LDLRAD3: variants seen among roughly 807,000 people sequenced by gnomAD.
LDLRAD3 encodes the protein low density lipoprotein receptor class A domain containing 3, also known as low-density lipoprotein receptor class A domain-containing protein 3.
LDLRAD3 carries 20 observed loss-of-function variants against 29.4 expected under a neutral mutation model. The ratio of observed to expected loss-of-function variants is 0.68; its 90% CI spans 0.48 to 0.99. The LOEUF is 0.99. Ranked by LOEUF, LDLRAD3 falls within the 50% of genes least tolerant of loss-of-function variation. The pLI is 0.00. For missense variants in LDLRAD3, 420 were observed against 454.3 expected (o/e 0.92, Z 0.69); for synonymous variants, 157 against 192.7 (o/e 0.81, Z 1.53).
intron 4 of LDLRAD3, among the ~76,000 whole-genome samples, chr11:36,168,499 T>C (rs1473006223): frequency 9.1e-5 from 1 of 10,948 alleles, no homozygotes; most frequent in African/African-American, 1.4e-4. Flanking sequence ...TTCTTTCTTC[T>C]TTTTTTTTTT....
chr11:36,226,065 T>G (rs1855494000), intron 4 of LDLRAD3, among the ~76,000 whole-genome samples: 1 of 82,512 alleles, frequency 1.2e-5, no homozygotes. Context: ...AGACCCTGTC[T>G]CAAATAAATA....
rs1170320380 is a variant in LDLRAD3 at position 36,191,620 on chromosome 11, ACACGCACG to A, written c.455-35453_455-35446del. ...TATATACACACACACACACACACAC[ACACGCACG>A]CACGCACGCACAAAGAAGAAATTGA... On this transcript the variant is annotated intron_variant, in intron 4 of 5. Transcript: ENST00000315571. Among the ~76,000 whole-genome samples, 242 of 84,452 alleles carry A rather than the reference ACACGCACG, an allele frequency of 2.9e-3. 8 individuals are homozygous for A. The highest frequency in any genetic ancestry group is 9.4e-3 in the African/African-American group (226 of 23,970). The allele number at this position is 84,452 out of a possible 152,430, so 55.4% of individuals were successfully genotyped here.
chr11:36,132,913 C>T (rs1853947337), intron 4 of LDLRAD3, among the ~76,000 whole-genome samples: 1 of 152,228 alleles, frequency 6.6e-6, no homozygotes, highest in African/African-American at 2.4e-5. Context: ...TGACCCTGGG[C>T]AAGTGACTTC....
intron 1 of LDLRAD3, among the ~76,000 whole-genome samples, chr11:35,966,453 C>A (rs79109195): frequency 0.011 from 1,652 of 152,254 alleles, 52 homozygotes; most frequent in East Asian, 0.1. Flanking sequence ...ATGCAGTATT[C>A]TTTTCCTTTA....
chr11:36,104,499 C>T (rs1024669337), intron 4 of LDLRAD3, among the ~76,000 whole-genome samples: 2 of 152,180 alleles, frequency 1.3e-5, no homozygotes, highest in African/African-American at 2.4e-5. Context: ...TCTCACTGCT[C>T]TAACCACAGA....
chr11:36,139,241 C>G (rs80228464), intron 4 of LDLRAD3, among the ~76,000 whole-genome samples: 6,416 of 152,306 alleles, frequency 0.042, 215 homozygotes, highest in Non-Finnish European at 0.063. Flanking sequence ...AACAATGTCT[C>G]TAAGACCTTG....
intron 3 of LDLRAD3, among the ~76,000 whole-genome samples, chr11:36,093,400 G>T (rs11033414): frequency 0.2 from 30,047 of 151,918 alleles, 3,427 homozygotes; most frequent in Admixed American, 0.3. Context: ...CATTGCTCTG[G>T]ACTTGGGGTT....
rs150165825 is a variant in LDLRAD3 at position 36,033,712 on chromosome 11, G to A, written c.47-2391G>A. Among the ~76,000 whole-genome samples, 601 of 152,284 alleles carry A rather than the reference G, an allele frequency of 3.9e-3. 4 individuals carry two copies. Among genetic ancestry groups the A allele is most frequent in the African/African-American group, 0.013 (529 of 41,568 alleles). The stretch of plus-strand genomic sequence containing the variant: ...TGGGGGTTTTCTGGGTTGAGCATTT[G>A]TTGTCTGGCTAGTATCCAGTACCTG... On this transcript the variant is annotated intron_variant, in intron 1 of 5. Coordinates refer to ENST00000315571, the MANE Select transcript of LDLRAD3 (RefSeq NM_174902.4).
At position 35,963,704 on chromosome 11, in the gene LDLRAD3, G is replaced by A. The variant is rs368323776; in HGVS notation, c.46+19560G>A. Among the ~76,000 whole-genome samples the A allele has an allele frequency of 2.0e-5, 3 of 152,224 alleles. No homozygotes were observed. The East Asian group carries it at 5.8e-4, about 29-fold the overall frequency. ...AGAAATTCAACATTGGCCATAAGAA[G>A]TCTCCACTCTGTATGTGCTTACCAT... On this transcript the variant is annotated intron_variant, in intron 1 of 5. Coordinates refer to ENST00000315571, the MANE Select transcript of LDLRAD3 (RefSeq NM_174902.4).
intron 1 of LDLRAD3, chr11:35,967,418 A>G (rs1292703874): frequency 6.5e-6 from 2 of 306,648 alleles, no homozygotes; most frequent in Non-Finnish European, 1.3e-5. Context: ...TAATGTCCTT[A>G]CTCCTTCAGC....
chr11:36,218,876 A>G (rs967461190), intron 4 of LDLRAD3, among the ~76,000 whole-genome samples: 3 of 152,264 alleles, frequency 2.0e-5, no homozygotes, highest in Non-Finnish European at 4.4e-5. Flanking sequence ...GTTTATCTCT[A>G]TAGTGGGATA....
intron 2 of LDLRAD3, among the ~76,000 whole-genome samples, chr11:36,080,980 A>G (rs1853104246): frequency 6.6e-6 from 1 of 151,480 alleles, no homozygotes; most frequent in Non-Finnish European, 1.5e-5. Context: ...GCCTCCCAGA[A>G]GTAAGGAAAG....
chr11:36,036,786 T>TA (rs1210368987), intron 2 of LDLRAD3, among the ~76,000 whole-genome samples: 1 of 152,172 alleles, frequency 6.6e-6, no homozygotes, highest in African/African-American at 2.4e-5. Flanking sequence ...TGCCGATAGA[T>TA]ATGGCTTGAG....
chr11:36,123,015 C>A (rs1286260436), intron 4 of LDLRAD3, among the ~76,000 whole-genome samples: 1 of 151,906 alleles, frequency 6.6e-6, no homozygotes, highest in Non-Finnish European at 1.5e-5. Context: ...GTCTCTACAA[C>A]AACAACAACA....
At chr11:36,201,911 G>T (rs947167900) in intron 4 of LDLRAD3, among the ~76,000 whole-genome samples, 2 of 152,188 alleles carry the variant, frequency 1.3e-5, no homozygotes, top group African/African-American at 4.8e-5. Context: ...CATTGTCCAG[G>T]TGTGACCTGA....
At chr11:35,945,930 G>T (rs1347523681) in intron 1 of LDLRAD3, among the ~76,000 whole-genome samples, 1 of 152,214 alleles carries the variant, frequency 6.6e-6, no homozygotes, top group African/African-American at 2.4e-5. Context: ...GGAGCAGACG[G>T]ATAGGGGGAG....
intron 4 of LDLRAD3, among the ~76,000 whole-genome samples, chr11:36,144,393 A>G (rs10836508): frequency 0.81 from 107,963 of 132,662 alleles, 44,565 homozygotes; most frequent in East Asian, 0.93. Flanking sequence ...GCCGCCCATC[A>G]TCTGGGATGT....
chr11:36,187,969 G>A (rs1590341089), intron 4 of LDLRAD3, among the ~76,000 whole-genome samples: 5 of 152,246 alleles, frequency 3.3e-5, no homozygotes, highest in Admixed American at 3.3e-4. Context: ...TCATTATCCT[G>A]TTTGATCCTA....
intron 1 of LDLRAD3, among the ~76,000 whole-genome samples, chr11:35,952,697 G>A (rs545040040): frequency 1.3e-5 from 2 of 152,220 alleles, no homozygotes; most frequent in Non-Finnish European, 2.9e-5. Context: ...ATAGTGCTGG[G>A]TGCCAAATAG....
Sources: allele counts gnomAD v4.1 joint callset (sites outside exome capture counted in the v4.1 genomes callset), GRCh38; gene constraint gnomAD v4.1.1; transcripts MANE v1.5; gene names NCBI Gene and HGNC (gene_info 2026-07-23, HGNC 2026-07-21).